CFAP298: variants seen among roughly 807,000 people sequenced by gnomAD.
The protein encoded by CFAP298 is cilia- and flagella-associated protein 298.
Under a neutral mutation model 41.0 loss-of-function variants are expected in CFAP298, and 38 were observed. That is an observed-to-expected ratio of 0.93 (90% CI 0.72 to 1.22). The LOEUF is 1.22. Ranked by LOEUF, CFAP298 falls within the 50% of genes most tolerant of loss-of-function variation. The probability of loss-of-function intolerance (pLI) is 0.00; values close to 1 mark genes in which losing one functional copy is unlikely to be tolerated. For missense variants in CFAP298, 348 were observed against 360.3 expected, an observed-to-expected ratio of 0.97 and a Z score of 0.28; for synonymous variants, 137 against 135.3, an observed-to-expected ratio of 1.01 and a Z score of -0.09.
At chr21:32,609,590 C>A (rs1423985228) in intron 2 of CFAP298, among the ~76,000 whole-genome samples, 1 of 152,176 alleles carries the variant, frequency 6.6e-6, no homozygotes, top group African/African-American at 2.4e-5. Flanking sequence ...CATGGCAAAA[C>A]CCCGTCTCTA....
intron 1 of CFAP298, among the ~76,000 whole-genome samples, chr21:32,610,257 CGCGATCTCAGCTCACTGCA>C (rs930858799): frequency 5.9e-5 from 9 of 152,078 alleles, no homozygotes; most frequent in South Asian, 2.1e-4. Context: ...AGTGCAGTGG[CGCGATCTCAGCTCACTGCA>C]GCGATCTCAG....
chr21:32,611,710 T>C (rs923807727), intron 1 of CFAP298, among the ~76,000 whole-genome samples: 1 of 152,154 alleles, frequency 6.6e-6, no homozygotes, highest in African/African-American at 2.4e-5. Context: ...CTGCTTTACA[T>C]TGGGCGACTA....
At chr21:32,604,001 G>T in intron 4 of CFAP298, 124 bp downstream of exon 4, 1 of 916,636 alleles carries the variant, frequency 1.1e-6, no homozygotes, top group East Asian at 2.5e-5. Context: ...TCTGAAGCAG[G>T]GCATAGCAAA....
Position 32,604,107 on chromosome 21 carries a change from C to G in CFAP298, c.534+18G>C. On this transcript the variant is annotated intron_variant, in intron 4 of 6. Transcript: ENST00000290155. The stretch of plus-strand genomic sequence containing the variant: ...CCAGGAACTCAACCTCCAGAGTACC[C>G]ACTCACAAACTACGTACCTGTGTTC... 1 of 1,609,326 alleles carries G rather than the reference C, an allele frequency of 6.2e-7. No homozygotes were observed. The highest frequency in any genetic ancestry group is 8.5e-7 in the Non-Finnish European group (1 of 1,176,890).
At position 32,602,279 on chromosome 21, in the gene CFAP298, T is replaced by A. The variant is rs1488871174; in HGVS notation, c.755A>T (p.Glu252Val). ...LMLYYHRRQE[E>V]LKRLEENDDD... ...CCATCTGTCCCCTGCTACCTTGAGC[T>A]CCTCTTGTCTTCTGTGATAGTACAG... The change falls in exon 6 of 7, where the codon GAG becomes GTG. Residue 252 changes from glutamate to valine, a missense_variant. Physicochemically the swap from Glu to Val is moderately radical, Grantham distance 121. Transcript: ENST00000290155. 1.9e-6 allele frequency: 3 copies of A among 1,614,030 alleles called. No homozygotes were observed. Among genetic ancestry groups the A allele is most frequent in the South Asian group, 1.1e-5 (1 of 91,082 alleles).
chr21:32,603,929 G>C lies in CFAP298; in HGVS notation c.534+196C>G, dbSNP rs563442820. On this transcript the variant is annotated intron_variant, in intron 4 of 6. Transcript: ENST00000290155. ...TGCGTCCACTGCCTCCTGTGTGTGG[G>C]GCCAAACCCCTCACTCATGAGTACC... Among the ~76,000 whole-genome samples the C allele has an allele frequency of 9.9e-5, 15 of 152,250 alleles. No individual in the cohort carries two copies. The South Asian group carries it at 3.1e-3, about 32-fold the overall frequency.
intron 3 of CFAP298, 100 bp from the exon 4 acceptor site, chr21:32,604,383 A>G: frequency 1.5e-6 from 2 of 1,353,572 alleles, no homozygotes; most frequent in Non-Finnish European, 2.1e-6. Context: ...TGCCAGAGCA[A>G]CAAAAAGAAA....
rs933976429 is a variant in CFAP298 at position 32,601,232 on chromosome 21, C to A, written c.*631G>T. Reference sequence around the variant, plus strand: ...GTCACTGCCAGTCATCAGCTTTCCTCCAATAAACCAGTTATCATGAGAATA... The same window carrying A: ...GTCACTGCCAGTCATCAGCTTTCCTACAATAAACCAGTTATCATGAGAATA... On this transcript the variant is annotated 3_prime_UTR_variant, in exon 7 of 7. Coordinates refer to ENST00000290155, the MANE Select transcript of CFAP298 (RefSeq NM_021254.4). 1.3e-5 allele frequency among the ~76,000 whole-genome samples: 2 copies of A among 151,328 alleles called. No individual in the cohort carries two copies. Among genetic ancestry groups the A allele is most frequent in the Admixed American group, 1.3e-4 (2 of 15,218 alleles).
rs139631685 is a variant in CFAP298 at position 32,599,508 on chromosome 21, G to A, written c.*2355C>T. Among the ~76,000 whole-genome samples, 7 of 152,268 alleles carry A rather than the reference G, an allele frequency of 4.6e-5. No homozygotes were observed. The highest frequency in any genetic ancestry group is 7.3e-5 in the Non-Finnish European group (5 of 68,028). ...TTTCCTTTTGATATTGACTCAAACA[G>A]GGACTGGATTAAAAAAAGAAGAAAA... is the stretch of plus-strand genomic sequence containing the variant. On this transcript the variant is annotated 3_prime_UTR_variant, in exon 7 of 7. Coordinates refer to ENST00000290155, the MANE Select transcript of CFAP298 (RefSeq NM_021254.4).
At chr21:32,609,365 G>GCAAGA (rs555733509) in intron 2 of CFAP298, among the ~76,000 whole-genome samples, 159 of 152,300 alleles carry the variant, frequency 1.0e-3, no homozygotes, top group Non-Finnish European at 1.9e-3. Context: ...TTATTAAAGA[G>GCAAGA]CAAGACAAAA....
Position 32,599,979 on chromosome 21 carries a change from T to C in CFAP298, c.*1884A>G, listed in dbSNP as rs1259588285. ...GATAACTATCACGGCCAAAAGAGTA[T>C]TCCTACTGCAGGCTCAGTAAGACTT... is the stretch of plus-strand genomic sequence containing the variant. On this transcript the variant is annotated 3_prime_UTR_variant, in exon 7 of 7. Coordinates refer to ENST00000290155, the MANE Select transcript of CFAP298 (RefSeq NM_021254.4). 2.0e-5 allele frequency among the ~76,000 whole-genome samples: 3 copies of C among 152,212 alleles called. No homozygotes were observed. The highest frequency in any genetic ancestry group is 4.4e-5 in the Non-Finnish European group (3 of 68,034).
At chr21:32,609,368 A>G (rs2038938803) in intron 2 of CFAP298, among the ~76,000 whole-genome samples, 1 of 152,234 alleles carries the variant, frequency 6.6e-6, no homozygotes, top group African/African-American at 2.4e-5. Flanking sequence ...TTAAAGAGCA[A>G]GACAAAAGCT....
At chr21:32,610,111 T>C (rs2038957905) in intron 1 of CFAP298, 106 bp from the exon 2 acceptor site, 3 of 1,022,750 alleles carry the variant, frequency 2.9e-6, no homozygotes, top group East Asian at 5.2e-5. Flanking sequence ...CACTATTTTA[T>C]GGAACAAACA....
chr21:32,600,446 C>CA lies in CFAP298; in HGVS notation c.*1416dup, dbSNP rs907779733. On this transcript the variant is annotated 3_prime_UTR_variant, in exon 7 of 7. Transcript: ENST00000290155. ...CCTCTTTGCAGGATGGTGGGGAGCG[C>CA]AGGCACCAAGGCAGGAAGGCCAGGG... 6.6e-6 allele frequency among the ~76,000 whole-genome samples: 1 copy of CA among 152,200 alleles called. No individual in the cohort carries two copies. The highest frequency in any genetic ancestry group is 2.4e-5 in the African/African-American group (1 of 41,458).
chr21:32,602,055 C>A (rs1332255622), intron 6 of CFAP298, 82 bp from the exon 7 acceptor site: 10 of 962,690 alleles, frequency 1.0e-5, no homozygotes, highest in Non-Finnish European at 1.5e-5. Flanking sequence ...GAGTCCATGA[C>A]TGACCTCCCC....
chr21:32,602,059 C>A, intron 6 of CFAP298, 86 bp from the exon 7 acceptor site: 1 of 944,452 alleles, frequency 1.1e-6, no homozygotes, highest in Non-Finnish European at 1.7e-6. Context: ...CCATGACTGA[C>A]CTCCCCCTCT....
chr21:32,603,115 G>A (rs2038783736), intron 5 of CFAP298, 46 bp downstream of exon 5: 3 of 1,602,336 alleles, frequency 1.9e-6, no homozygotes, highest in East Asian at 2.2e-5. Flanking sequence ...TCAGTTTGAA[G>A]GGAAATAACA....
At chr21:32,611,897 C>A (rs2039008652) in intron 1 of CFAP298, among the ~76,000 whole-genome samples, 1 of 152,202 alleles carries the variant, frequency 6.6e-6, no homozygotes, top group Admixed American at 6.5e-5. Context: ...CCTGGGCCCA[C>A]CTCCCAGCCC....
At chr21:32,612,013 C>T in intron 1 of CFAP298, 92 bp downstream of exon 1, 2 of 1,383,784 alleles carry the variant, frequency 1.4e-6, no homozygotes, top group South Asian at 3.1e-5. Flanking sequence ...ATAATCTTCA[C>T]AAACCTGACC....
Sources: gnomAD v4.1 joint callset for allele counts (sites outside exome capture counted in the v4.1 genomes callset) on GRCh38, gnomAD v4.1.1 for gene constraint, MANE v1.5 for transcripts, NCBI Gene and HGNC (gene_info 2026-07-23, HGNC 2026-07-21) for gene names.